Variants in NBEA observed in about 807,000 individuals in gnomAD.
NBEA encodes the protein lysosomal-trafficking regulator 2.
In NBEA, 44 loss-of-function variants were observed where a neutral mutation model predicts 343.4. The ratio of observed to expected loss-of-function variants is 0.13; its 90% CI spans 0.10 to 0.16. The LOEUF (loss-of-function observed/expected upper bound fraction) is 0.16. NBEA is among the 10% of genes least tolerant of loss of function. The pLI is 1.00. For missense variants in NBEA, 2,555 were observed against 3,631.3 expected, an observed-to-expected ratio of 0.70 and a Z score of 7.62; for synonymous variants, 1,175 against 1,238.7, an observed-to-expected ratio of 0.95 and a Z score of 1.08.
intron 33 of NBEA, among the ~76,000 whole-genome samples, chr13:35,231,763 C>T (rs773818960): frequency 6.6e-6 from 1 of 151,994 alleles, no homozygotes; most frequent in Non-Finnish European, 1.5e-5. Context: ...TATGATAGAG[C>T]CAGGATTCTA....
chr13:35,417,173 T>C (rs1397367033), intron 38 of NBEA, among the ~76,000 whole-genome samples: 2 of 152,096 alleles, frequency 1.3e-5, no homozygotes, highest in African/African-American at 4.8e-5. Flanking sequence ...TTTGTTGATC[T>C]TTTCAAAAAA....
chr13:34,986,576 GT>G, intron 1 of NBEA, among the ~76,000 whole-genome samples: 1 of 150,734 alleles, frequency 6.6e-6, no homozygotes, highest in Non-Finnish European at 1.5e-5. Flanking sequence ...CTGAGTTCAA[GT>G]TCTGGATATC....
chr13:35,040,779 T>C (rs2062621916), intron 1 of NBEA, among the ~76,000 whole-genome samples, 154 bp from the exon 2 acceptor site: 1 of 152,154 alleles, frequency 6.6e-6, no homozygotes, highest in South Asian at 2.1e-4. Context: ...CTTTCACTTA[T>C]TTGTAGCTCT....
intron 49 of NBEA, among the ~76,000 whole-genome samples, chr13:35,645,095 A>G (rs1196437808): frequency 1.3e-5 from 2 of 152,200 alleles, no homozygotes; most frequent in Non-Finnish European, 2.9e-5. Context: ...GTGTAGGAGG[A>G]CAGATTTTTA....
At chr13:35,603,855 A>G (rs1412988823) in intron 47 of NBEA, among the ~76,000 whole-genome samples, 1 of 152,250 alleles carries the variant, frequency 6.6e-6, no homozygotes. Context: ...CATGAAGACC[A>G]GGTCATATGC....
intron 33 of NBEA, 120 bp from the exon 34 acceptor site, chr13:35,232,372 A>G (rs1413089480): frequency 4.4e-6 from 3 of 687,060 alleles, no homozygotes; most frequent in East Asian, 2.8e-5. Context: ...GAAGCTTGTT[A>G]TTATTCCATG....
rs2031978782 is a variant in NBEA at position 35,251,682 on chromosome 13, T to C, written c.5776+19063T>C. ...AAGAGGCGGCTATCATCTCTGCCTA[T>C]GATATGGCTCCAGAGCAACTCACTG... is the stretch of plus-strand genomic sequence containing the variant. On this transcript the variant is annotated intron_variant, in intron 34 of 58. Transcript: ENST00000379939. The C allele has an allele frequency of 5.2e-6, 3 of 581,152 alleles. No individual in the cohort carries two copies. In the Admixed American group the frequency reaches 1.0e-4, roughly 19 times the overall value. 36.0% of individuals were successfully genotyped at this position (581,152 alleles called of 1,614,324 possible).
At chr13:35,404,767 A>T (rs1310220059) in intron 38 of NBEA, among the ~76,000 whole-genome samples, 17 of 152,050 alleles carry the variant, frequency 1.1e-4, no homozygotes, top group East Asian at 3.9e-4. Context: ...AATAAAATTT[A>T]AAAAAAAGAA....
chr13:35,195,737 A>G (rs1343372628), intron 30 of NBEA, 127 bp from the exon 31 acceptor site: 4 of 785,274 alleles, frequency 5.1e-6, no homozygotes, highest in Non-Finnish European at 7.9e-6. Context: ...TACTATGCAC[A>G]TCCGTTTAGC....
intron 23 of NBEA, among the ~76,000 whole-genome samples, chr13:35,163,526 G>A (rs1370573628): frequency 6.6e-6 from 1 of 151,444 alleles, no homozygotes; most frequent in South Asian, 2.1e-4. Flanking sequence ...CCAGCTACTC[G>A]GGAATCTCCT....
At chr13:35,416,710 T>C (rs1218483078) in intron 38 of NBEA, among the ~76,000 whole-genome samples, 1 of 152,270 alleles carries the variant, frequency 6.6e-6, no homozygotes, top group East Asian at 1.9e-4. Context: ...TTTTTTGTTG[T>C]GTGTCTGCCA....
At chr13:35,093,315 C>CA (rs34323263) in intron 10 of NBEA, among the ~76,000 whole-genome samples, 5 of 141,316 alleles carry the variant, frequency 3.5e-5, no homozygotes, top group African/African-American at 7.7e-5. Flanking sequence ...ACTGGTACAC[C>CA]AAAAAAAAAA....
At chr13:35,429,575 G>A (rs780128297) in intron 38 of NBEA, among the ~76,000 whole-genome samples, 1 of 151,980 alleles carries the variant, frequency 6.6e-6, no homozygotes, top group African/African-American at 2.4e-5. Flanking sequence ...TAGGTCCTGG[G>A]GTCCTTAGCC....
Position 35,204,633 on chromosome 13 carries a change from A to G in NBEA, c.5367-4067A>G, listed in dbSNP as rs1227932415. On this transcript the variant is annotated intron_variant, in intron 31 of 58. Coordinates refer to ENST00000379939, the MANE Select transcript of NBEA (RefSeq NM_001385012.1). ...CAAACCATATCAGTCACTGGTGCCA[A>G]AAGCTTTGGGGACCACTGGAGTAGA... 3.3e-5 allele frequency among the ~76,000 whole-genome samples: 5 copies of G among 152,280 alleles called. No individual in the cohort carries two copies. In the East Asian group the frequency reaches 9.7e-4, roughly 29 times the overall value.
At chr13:35,015,062 T>C (rs2061603917) in intron 1 of NBEA, among the ~76,000 whole-genome samples, 1 of 132,424 alleles carries the variant, frequency 7.6e-6, no homozygotes, top group Non-Finnish European at 1.5e-5. Context: ...AGCCCCACTC[T>C]CCAGTGCTTC....
intron 39 of NBEA, among the ~76,000 whole-genome samples, chr13:35,443,623 A>T (rs145358346): frequency 6.6e-6 from 1 of 152,006 alleles, no homozygotes; most frequent in Admixed American, 6.6e-5. Flanking sequence ...TTTACCTAAA[A>T]TGTATTTGGA....
At chr13:35,227,942 T>A (rs1245526389) in intron 33 of NBEA, among the ~76,000 whole-genome samples, 2 of 151,818 alleles carry the variant, frequency 1.3e-5, no homozygotes, top group Non-Finnish European at 2.9e-5. Flanking sequence ...TTCATTTAGA[T>A]GACAGGAGAG....
intron 48 of NBEA, among the ~76,000 whole-genome samples, chr13:35,626,977 T>TTGAAGGGAATAAATTACTAGTTAA (rs2083258788): frequency 1.3e-5 from 2 of 152,104 alleles, no homozygotes; most frequent in African/African-American, 4.8e-5. Flanking sequence ...AGGAAAGGGA[T>TTGAAGGGAATAAATTACTAGTTAA]TGAAGGGAAT....
At chr13:35,080,348 A>AT (rs1203062154) in intron 10 of NBEA, among the ~76,000 whole-genome samples, 2 of 152,264 alleles carry the variant, frequency 1.3e-5, no homozygotes, top group Non-Finnish European at 1.5e-5. Context: ...TTGCAGGATC[A>AT]TTTTGACATT....
Sources: gnomAD v4.1 joint callset for allele counts (sites outside exome capture counted in the v4.1 genomes callset) on GRCh38, gnomAD v4.1.1 for gene constraint, MANE v1.5 for transcripts, NCBI Gene and HGNC (gene_info 2026-07-23, HGNC 2026-07-21) for gene names.